Variants in CDH23 observed in about 807,000 individuals in gnomAD.
CDH23 encodes the protein cadherin related 23, also known as cadherin-23.
CDH23 carries 189 observed loss-of-function variants against 317.1 expected under a neutral mutation model. The observed-to-expected ratio is 0.60, with a 90% CI of 0.53 to 0.67. The LOEUF (loss-of-function observed/expected upper bound fraction) is 0.67, where lower values mean the gene tolerates loss of function less well. Ranked by LOEUF, CDH23 falls within the 30% of genes least tolerant of loss-of-function variation. The probability of loss-of-function intolerance (pLI) is 0.00; values close to 1 mark genes in which losing one functional copy is unlikely to be tolerated. For missense variants in CDH23, 4,401 were observed against 4,592.4 expected (o/e 0.96, Z 1.20); for synonymous variants, 1,839 against 1,876.8 (o/e 0.98, Z 0.52).
chr10:71,561,837 T>G (rs757237347), intron 6 of CDH23, among the ~76,000 whole-genome samples: 14 of 134,918 alleles, frequency 1.0e-4, no homozygotes, highest in South Asian at 2.3e-4. Context: ...TAGGTGGGAC[T>G]GGGCAGGGGG....
Position 71,813,840 on chromosome 10 carries a change from G to A in CDH23, c.9738+492G>A, listed in dbSNP as rs148165304. Among the ~76,000 whole-genome samples, 36 of 152,204 alleles carry A rather than the reference G, an allele frequency of 2.4e-4. 1 individual carries two copies. The East Asian group carries it at 6.2e-3, about 26-fold the overall frequency. On this transcript the variant is annotated intron_variant, in intron 69 of 69. Transcript: ENST00000224721. ...GGAGAATTGCTGGAACCCAGGAGGC[G>A]GAGGTTGAAGTGAACCAAGACCATG...
intron 14 of CDH23, among the ~76,000 whole-genome samples, chr10:71,659,412 TG>T (rs1863550925): frequency 1.3e-5 from 2 of 152,036 alleles, no homozygotes; most frequent in Non-Finnish European, 2.9e-5. Context: ...GAGCAGCAGG[TG>T]GGTAGGGGAC....
At chr10:71,645,456 C>CT (rs1862791508) in intron 12 of CDH23, among the ~76,000 whole-genome samples, 2 of 152,226 alleles carry the variant, frequency 1.3e-5, no homozygotes, top group Admixed American at 1.3e-4. Context: ...CTCACATCCT[C>CT]TCTCCTCCTC....
intron 31 of CDH23, among the ~76,000 whole-genome samples, chr10:71,731,727 A>G (rs1839394583): frequency 6.6e-6 from 1 of 152,164 alleles, no homozygotes; most frequent in Admixed American, 6.5e-5. Context: ...CTCCAGGAGC[A>G]GACCCAACTC....
At chr10:71,739,121 A>G (rs1046351982) in intron 35 of CDH23, among the ~76,000 whole-genome samples, 3 of 152,030 alleles carry the variant, frequency 2.0e-5, no homozygotes, top group African/African-American at 7.2e-5. Context: ...GGGTGTTAGC[A>G]TGGCTTGCAT....
chr10:71,470,026 AT>A (rs1375255622), intron 3 of CDH23, among the ~76,000 whole-genome samples: 5 of 152,138 alleles, frequency 3.3e-5, no homozygotes, highest in African/African-American at 7.2e-5. Flanking sequence ...ATAAAAAAAA[AT>A]TTGTGCTATG....
chr10:71,663,646 A>T (rs2132638792), intron 14 of CDH23, among the ~76,000 whole-genome samples: 1 of 152,364 alleles, frequency 6.6e-6, no homozygotes, highest in South Asian at 2.1e-4. Context: ...CCATAAAATG[A>T]AAGTAGTATT....
chr10:71,616,367 A>T (rs1184415394), intron 10 of CDH23, among the ~76,000 whole-genome samples: 3 of 152,050 alleles, frequency 2.0e-5, no homozygotes, highest in Non-Finnish European at 4.4e-5. Context: ...GCTGTCCTTG[A>T]CCTTGGGAGG....
intron 6 of CDH23, among the ~76,000 whole-genome samples, chr10:71,522,997 G>T (rs1854788114): frequency 6.6e-6 from 1 of 152,140 alleles, no homozygotes; most frequent in South Asian, 2.1e-4. Flanking sequence ...TACGGCTCTT[G>T]TCTGCCCCCC....
chr10:71,660,407 C>T (rs1318459310), intron 14 of CDH23, among the ~76,000 whole-genome samples: 4 of 152,158 alleles, frequency 2.6e-5, no homozygotes, highest in East Asian at 1.9e-4. Context: ...CAGCCTTGGG[C>T]GGCTCCTTCC....
Position 71,511,106 on chromosome 10 carries a change from C to T in CDH23, c.337-14C>T, listed in dbSNP as rs1386605369. On this transcript the variant is annotated splice_polypyrimidine_tract_variant and intron_variant, in intron 5 of 69. Coordinates refer to ENST00000224721, the MANE Select transcript of CDH23 (RefSeq NM_022124.6). ...TCAGGTGGCGGCGCTAATTGCCCGCCTTTCTCTTGCCAGGTGATCACACGG... is the reference window on the plus strand; with the variant it reads ...TCAGGTGGCGGCGCTAATTGCCCGCTTTTCTCTTGCCAGGTGATCACACGG... The T allele has an allele frequency of 3.7e-6, 6 of 1,613,750 alleles. No homozygotes were observed. The South Asian group carries it at 5.5e-5, about 15-fold the overall frequency.
At chr10:71,760,198 C>T (rs1398657401) in intron 38 of CDH23, among the ~76,000 whole-genome samples, 6 of 49,912 alleles carry the variant, frequency 1.2e-4, no homozygotes, top group East Asian at 5.7e-4. Flanking sequence ...TATGTATATA[C>T]ATATATATGT....
At position 71,761,708 on chromosome 10, in the gene CDH23, C is replaced by T. The variant is rs200235042; in HGVS notation, c.4846-15972C>T. On this transcript the variant is annotated intron_variant, in intron 38 of 69. Transcript: ENST00000224721. The stretch of plus-strand genomic sequence containing the variant: ...GCCGCTATCCAGCAGGGTCAGGTTG[C>T]GCATGGTGATGGAGAAGTTGCCATG... The T allele has an allele frequency of 1.7e-5, 28 of 1,614,030 alleles. No homozygotes were observed. In the East Asian group the frequency reaches 4.0e-4, roughly 23 times the overall value.
At chr10:71,781,849 T>C (rs564149920) in intron 41 of CDH23, among the ~76,000 whole-genome samples, 2 of 152,290 alleles carry the variant, frequency 1.3e-5, no homozygotes, top group East Asian at 1.9e-4. Context: ...AAATGATCAA[T>C]GAAGGCCCAG....
intron 25 of CDH23, 67 bp downstream of exon 25, chr10:71,705,197 G>A (rs1865740789): frequency 6.9e-7 from 1 of 1,442,778 alleles, no homozygotes; most frequent in Admixed American, 2.2e-5. Flanking sequence ...CAGGGGCAGG[G>A]GTAGAGGGGA....
rs1334226034 is a variant in CDH23, at chr10:71,510,071, GGCT to G, written c.146-10_146-8del. 6.2e-7 allele frequency: 1 copy of G among 1,613,840 alleles called. No homozygotes were observed. The highest frequency in any genetic ancestry group is 8.5e-7 in the Non-Finnish European group (1 of 1,179,888). On this transcript the variant is annotated splice_region_variant and splice_polypyrimidine_tract_variant and intron_variant, in intron 3 of 69. Transcript: ENST00000224721. ...TTATTTTCCCTCTGCTCTCTCCCTT[GGCT>G]ACTCCAGGTTCTTCTGTGACCCAGT...
At chr10:71,534,800 G>A (rs1031174626) in intron 6 of CDH23, among the ~76,000 whole-genome samples, 1 of 152,216 alleles carries the variant, frequency 6.6e-6, no homozygotes, top group Admixed American at 6.5e-5. Context: ...CATTGGCACA[G>A]CCCCAAAGTA....
chr10:71,535,623 G>T (rs1049425088), intron 6 of CDH23, among the ~76,000 whole-genome samples: 1 of 152,246 alleles, frequency 6.6e-6, no homozygotes. Flanking sequence ...GATAGGACTT[G>T]ACCTGTGTTC....
At position 71,753,862 on chromosome 10, in the gene CDH23, A is replaced by G. The variant is rs375291973; in HGVS notation, c.4845+11941A>G. ...TATTCAAACCATGGCTATTGCTTAC[A>G]GCCGACTCATGGGTCAGGCTTCGTG... On this transcript the variant is annotated intron_variant, in intron 38 of 69. Coordinates refer to ENST00000224721, the MANE Select transcript of CDH23 (RefSeq NM_022124.6). 5.4e-4 allele frequency: 247 copies of G among 456,472 alleles called. 1 individual carries two copies. The highest frequency in any genetic ancestry group is 4.5e-3 in the African/African-American group (227 of 50,202). The allele number at this position is 456,472 out of a possible 1,614,324, so 28.3% of individuals were successfully genotyped here.
Sources: gnomAD v4.1 joint callset for allele counts (sites outside exome capture counted in the v4.1 genomes callset) on GRCh38, gnomAD v4.1.1 for gene constraint, MANE v1.5 for transcripts, NCBI Gene and HGNC (gene_info 2026-07-23, HGNC 2026-07-21) for gene names.